The following NDOR1 variants were observed in gnomAD, a reference collection of about 807,000 sequenced individuals.
NDOR1 encodes NADPH dependent diflavin oxidoreductase 1.
A neutral mutation model predicts 67.2 loss-of-function variants in NDOR1; 61 were observed. That is an observed-to-expected ratio of 0.91 (90% CI 0.74 to 1.12). NDOR1 has a LOEUF of 1.12. Among genes scored for constraint, NDOR1 ranks in the 50% most tolerant of loss-of-function variants. The pLI, the probability that NDOR1 is intolerant of heterozygous loss-of-function variation, is 0.00. For missense variants in NDOR1, 878 were observed against 802.8 expected, an observed-to-expected ratio of 1.09 and a Z score of -1.13; for synonymous variants, 378 against 343.7, an observed-to-expected ratio of 1.10 and a Z score of -1.10.
chr9:137,213,937 G>T, intron 4 of NDOR1, 30 bp from the exon 5 acceptor site: 1 of 1,577,158 alleles, frequency 6.3e-7, no homozygotes, highest in Non-Finnish European at 8.6e-7. Flanking sequence ...CGCAGGGTCC[G>T]CTCAGGCCAG....
In NDOR1 at chr9:137,217,528, C is replaced by T. The variant is rs543247327; in HGVS notation, c.*1112C>T. The T allele has an allele frequency of 7.7e-5, 12 of 156,196 alleles. No homozygotes were observed. The highest frequency in any genetic ancestry group is 3.8e-4 in the East Asian group (2 of 5,308). The allele number at this position is 156,196 out of a possible 1,614,324, so 9.7% of individuals were successfully genotyped here. A position where few individuals can be genotyped will look rare whatever the true frequency, so the allele number is the denominator to read the frequency against. ...TCGCTGTCTTGGAGTCTTGATCTGT[C>T]GTCGGCGGGTCGCTGGCACAGGACT... On this transcript the variant is annotated 3_prime_UTR_variant, in exon 14 of 14. Coordinates refer to ENST00000684003, the MANE Select transcript of NDOR1 (RefSeq NM_014434.4).
rs1835648674 is a variant in NDOR1, at chr9:137,217,087, T to C, written c.*671T>C. On this transcript the variant is annotated 3_prime_UTR_variant, in exon 14 of 14. Transcript: ENST00000684003. ...CTGGGTGCTGGATGGATGGGCGTCC[T>C]CTAGCTCCTCCCGGTGCCCTGGGTG... 2 of 182,778 alleles carry C rather than the reference T, an allele frequency of 1.1e-5. No homozygotes were observed. Among genetic ancestry groups the C allele is most frequent in the South Asian group, 8.0e-5 (1 of 12,452 alleles). 11.3% of individuals were successfully genotyped at this position (182,778 alleles called of 1,614,324 possible).
At chr9:137,210,680 A>G (rs559043922) in intron 2 of NDOR1, among the ~76,000 whole-genome samples, 3 of 152,108 alleles carry the variant, frequency 2.0e-5, no homozygotes, top group Admixed American at 6.5e-5. Context: ...CAGTCTCTAC[A>G]AACAAAATAA....
chr9:137,209,346 A>G (rs1387122942), intron 2 of NDOR1, among the ~76,000 whole-genome samples: 1 of 152,172 alleles, frequency 6.6e-6, no homozygotes, highest in Non-Finnish European at 1.5e-5. Flanking sequence ...AGTGGAGCAC[A>G]GGCACGGGAG....
At position 137,212,271 on chromosome 9, in the gene NDOR1, G is replaced by A. The variant is rs577075558; in HGVS notation, c.214-231G>A. Among the ~76,000 whole-genome samples, 4 of 152,254 alleles carry A rather than the reference G, an allele frequency of 2.6e-5. No homozygotes were observed. Among genetic ancestry groups the A allele is most frequent in the South Asian group, 2.1e-4 (1 of 4,832 alleles). On this transcript the variant is annotated intron_variant, in intron 2 of 13. Transcript: ENST00000684003. This position sits in a 1 kb window ranked among gnomAD's most constrained non-coding sequence, Gnocchi z 4.3. ...TAGAGCACAGCAGGGTCTGGCTCCT[G>A]TGGGCAGGGTGGGACCTGGTCTCCC...
Position 137,214,807 on chromosome 9 carries a change from C to A in NDOR1, c.854C>A (p.Ser285Tyr), listed in dbSNP as rs778654721. 1 of 1,603,216 alleles carries A rather than the reference C, an allele frequency of 6.2e-7. No individual in the cohort carries two copies. Among genetic ancestry groups the A allele is most frequent in the South Asian group, 1.1e-5 (1 of 91,040 alleles). The change falls in exon 8 of 14, where the codon TCC becomes TAC. Residue 285 changes from serine (S) to tyrosine (Y), a missense_variant. Coordinates refer to ENST00000684003, the MANE Select transcript of NDOR1 (RefSeq NM_014434.4). ...CCCACTCACCCTGCAGATGTCTCCT[C>A]CCCCACGAGGCTGCCCCAGCCCTGC... Reference protein sequence around the residue: ...MLQPREPDVSSPTRLPQPCSM... With the variant: ...MLQPREPDVSYPTRLPQPCSM...
chr9:137,206,183 C>A lies in NDOR1; in HGVS notation c.136-49C>A, dbSNP rs770059679. The A allele has an allele frequency of 5.6e-6, 9 of 1,604,508 alleles. No homozygotes were observed. The African/African-American group carries it at 1.1e-4, about 19-fold the overall frequency. ...AGGGGGTCAAGTTTTGGGAAGGACG[C>A]CCGGTCCTTACAGCCGGAGGTCTTA... On this transcript the variant is annotated intron_variant, in intron 1 of 13. Transcript: ENST00000684003.
At chr9:137,215,361 T>C (rs761144029) in intron 9 of NDOR1, 46 bp from the exon 10 acceptor site, 2 of 1,591,542 alleles carry the variant, frequency 1.3e-6, no homozygotes, top group Non-Finnish European at 1.7e-6. Context: ...CAGGCACAGG[T>C]GAGGGCAGCC....
In NDOR1 at chr9:137,216,567, C is replaced by T. The variant is rs1038110636; in HGVS notation, c.*151C>T. ...GCCAGCTCCCGAGCACAGCCGCACT[C>T]CTGTTGACCCTGGATCCCACCCTTT... On this transcript the variant is annotated 3_prime_UTR_variant, in exon 14 of 14. Transcript: ENST00000684003. 9.9e-6 allele frequency: 10 copies of T among 1,011,640 alleles called. No individual in the cohort carries two copies. Among genetic ancestry groups the T allele is most frequent in the Non-Finnish European group, 1.4e-5 (10 of 711,582 alleles). The allele number at this position is 1,011,640 out of a possible 1,614,324, so 62.7% of individuals were successfully genotyped here.
intron 2 of NDOR1, among the ~76,000 whole-genome samples, chr9:137,208,981 C>T (rs549647340): frequency 5.9e-5 from 9 of 152,212 alleles, no homozygotes; most frequent in East Asian, 1.9e-4. Context: ...CCCGGGTTCG[C>T]GCCATTCTCC....
chr9:137,218,292 C>T lies in NDOR1; in HGVS notation c.*1876C>T. 2 of 398,320 alleles carry T rather than the reference C, an allele frequency of 5.0e-6. No homozygotes were observed. The highest frequency in any genetic ancestry group is 2.1e-5 in the African/African-American group (1 of 48,740). The allele number at this position is 398,320 out of a possible 1,614,324, so 24.7% of individuals were successfully genotyped here. On this transcript the variant is annotated 3_prime_UTR_variant, in exon 14 of 14. Transcript: ENST00000684003. ...GAGGAGCTGCTACAGGCCGACGGGC[C>T]CTCACGCCAGCCCCGCCGAGAGGCC...
chr9:137,205,943 G>A, intron 1 of NDOR1, 31 bp downstream of exon 1: 2 of 1,558,824 alleles, frequency 1.3e-6, no homozygotes, highest in Non-Finnish European at 1.7e-6. Context: ...CGGCGTGGGG[G>A]ACGAGCAGGC....
Position 137,218,295 on chromosome 9 carries a change from C to CA in NDOR1, c.*1880dup, listed in dbSNP as rs1835728107. On this transcript the variant is annotated 3_prime_UTR_variant, in exon 14 of 14. Coordinates refer to ENST00000684003, the MANE Select transcript of NDOR1 (RefSeq NM_014434.4). ...GAGCTGCTACAGGCCGACGGGCCCTCACGCCAGCCCCGCCGAGAGGCCCCT... is the reference window on the plus strand; with the variant it reads ...GAGCTGCTACAGGCCGACGGGCCCTCAACGCCAGCCCCGCCGAGAGGCCCCT... The CA allele has an allele frequency of 2.5e-6, 1 of 398,302 alleles. No homozygotes were observed. Among genetic ancestry groups the CA allele is most frequent in the African/African-American group, 2.1e-5 (1 of 48,740 alleles). 24.7% of individuals were successfully genotyped at this position (398,302 alleles called of 1,614,324 possible).
rs998643832 is a variant in NDOR1 at position 137,216,001 on chromosome 9, C to T, written c.1538C>T (p.Ala513Val). 6.2e-7 allele frequency: 1 copy of T among 1,613,466 alleles called. No homozygotes were observed. Among genetic ancestry groups the T allele is most frequent in the Admixed American group, 1.7e-5 (1 of 60,032 alleles). ...CGGGACTGTCTGACCCTCATCCCTG[C>T]CTTCTCCCGGGAACAGGTGTGTATG... is the stretch of plus-strand genomic sequence containing the variant. ...EKRDCLTLIP[A>V]FSREQEQKVY... is the part of the protein sequence containing the mutation. The change falls in exon 12 of 14, where the codon GCC becomes GTC. Residue 513 changes from alanine (A) to valine (V), a missense_variant. Transcript: ENST00000684003.
In NDOR1 at chr9:137,217,293, T is replaced by C. The variant is rs748475233; in HGVS notation, c.*877T>C. ...GACTGCCTCGTTCTTAAGGGCATAG[T>C]GGGTCGGCTAAGATCTGATCGCCAG... On this transcript the variant is annotated 3_prime_UTR_variant, in exon 14 of 14. Coordinates refer to ENST00000684003, the MANE Select transcript of NDOR1 (RefSeq NM_014434.4). 6.6e-6 allele frequency among the ~76,000 whole-genome samples: 1 copy of C among 152,106 alleles called. No homozygotes were observed. Among genetic ancestry groups the C allele is most frequent in the African/African-American group, 2.4e-5 (1 of 41,424 alleles).
In NDOR1 at chr9:137,214,018, G is replaced by A; in HGVS notation, c.462G>A (p.Leu154=). ...PWLRDLWDRV[L]GLYPPPPGLT... ...TGCGAGACTTGTGGGACAGGGTTCT[G>A]GGGCTGTACCCGCCGCCTCCGGGCC... The change falls in exon 5 of 14, where the codon CTG becomes CTA. Residue 154 remains leucine (L), a synonymous_variant. Transcript: ENST00000684003. 2 of 1,550,210 alleles carry A rather than the reference G, an allele frequency of 1.3e-6. No homozygotes were observed. Among genetic ancestry groups the A allele is most frequent in the Non-Finnish European group, 1.7e-6 (2 of 1,149,494 alleles).
chr9:137,212,348 G>T lies in NDOR1; in HGVS notation c.214-154G>T, dbSNP rs1370532649. Reference sequence around the variant, plus strand: ...CCCGGTGCCCATCATCCTGCAGGCTGGACCTGGGCCCTGCCTTTTGGTCAG... The same window carrying T: ...CCCGGTGCCCATCATCCTGCAGGCTTGACCTGGGCCCTGCCTTTTGGTCAG... On this transcript the variant is annotated intron_variant, in intron 2 of 13. Transcript: ENST00000684003. This position sits in a 1 kb window ranked among gnomAD's most constrained non-coding sequence, Gnocchi z 4.3. Among the ~76,000 whole-genome samples the T allele has an allele frequency of 6.6e-6, 1 of 152,148 alleles. No individual in the cohort carries two copies. The highest frequency in any genetic ancestry group is 1.5e-5 in the Non-Finnish European group (1 of 68,022).
Position 137,214,869 on chromosome 9 carries a change from G to T in NDOR1, c.916G>T (p.Ala306Ser). 6.2e-7 allele frequency: 1 copy of T among 1,610,702 alleles called. No homozygotes were observed. Among genetic ancestry groups the T allele is most frequent in the South Asian group, 1.1e-5 (1 of 91,084 alleles). The change falls in exon 8 of 14, where the codon GCC (alanine) becomes TCC (serine). Residue 306 changes from alanine to serine, a missense_variant. Coordinates refer to ENST00000684003, the MANE Select transcript of NDOR1 (RefSeq NM_014434.4). ...RHLVSHYLDI[A>S]SVPRRSFFEL... ...CCTCGTGTCCCACTACCTGGACATCGCCAGCGTGCCTCGCCGCTCCTTCTT... is the reference window on the plus strand; with the variant it reads ...CCTCGTGTCCCACTACCTGGACATCTCCAGCGTGCCTCGCCGCTCCTTCTT...
Position 137,216,736 on chromosome 9 carries a change from C to A in NDOR1, c.*320C>A. On this transcript the variant is annotated 3_prime_UTR_variant, in exon 14 of 14. Transcript: ENST00000684003. ...ACCTCACCGGTGCAGTGACCCAGGACGGCATCAGCAGCCCAGTGAGCACCA... is the reference window on the plus strand; with the variant it reads ...ACCTCACCGGTGCAGTGACCCAGGAAGGCATCAGCAGCCCAGTGAGCACCA... The A allele has an allele frequency of 2.5e-6, 1 of 396,166 alleles. No individual in the cohort carries two copies. The highest frequency in any genetic ancestry group is 7.5e-4 in the Middle Eastern group (1 of 1,342). 24.5% of individuals were successfully genotyped at this position (396,166 alleles called of 1,614,324 possible). A position where few individuals can be genotyped will look rare whatever the true frequency, so the allele number is the denominator to read the frequency against.
Sources: allele counts gnomAD v4.1 joint callset (sites outside exome capture counted in the v4.1 genomes callset), GRCh38; gene constraint gnomAD v4.1.1; non-coding constraint Gnocchi (gnomAD v3.1); transcripts MANE v1.5; gene names NCBI Gene and HGNC (gene_info 2026-07-23, HGNC 2026-07-21).